The following ACACA variants were observed in gnomAD, a reference collection of about 807,000 sequenced individuals.
The protein encoded by ACACA is acetyl-CoA carboxylase 1.
In ACACA, 103 loss-of-function variants were observed where a neutral mutation model predicts 296.1. The ratio of observed to expected loss-of-function variants is 0.35; its 90% CI spans 0.30 to 0.41. The LOEUF (loss-of-function observed/expected upper bound fraction) is 0.41. ACACA is among the 10% of genes least tolerant of loss of function. The pLI, the probability that ACACA is intolerant of heterozygous loss-of-function variation, is 1.00. For synonymous variants in ACACA, 953 were observed against 1,038.6 expected, an observed-to-expected ratio of 0.92 and a Z score of 1.58; for missense variants, 1,554 against 2,989.7, an observed-to-expected ratio of 0.52 and a Z score of 11.20.
chr17:37,205,754 C>A lies in ACACA; in HGVS notation c.4056+11G>T. On this transcript the variant is annotated intron_variant, in intron 33 of 55. Transcript: ENST00000616317. ...GGGACATCACGAGCTTCCACCCAAT[C>A]AAGAACTTACATTTTGCTGGGTAAA... 6.2e-7 allele frequency: 1 copy of A among 1,606,270 alleles called. No homozygotes were observed.
chr17:37,379,365 C>A (rs545073498), intron 1 of ACACA: 2 of 1,613,910 alleles, frequency 1.2e-6, no homozygotes, highest in Admixed American at 1.7e-5. Flanking sequence ...CAGACTGGAT[C>A]TCTTCTAAAA....
intron 5 of ACACA, among the ~76,000 whole-genome samples, chr17:37,281,590 G>A (rs562636755): frequency 7.2e-5 from 11 of 152,282 alleles, no homozygotes; most frequent in South Asian, 2.1e-4. Flanking sequence ...AAACCGGACC[G>A]GGCGCAGTGG....
chr17:37,355,128 A>T (rs945426120), intron 1 of ACACA, among the ~76,000 whole-genome samples: 1 of 151,810 alleles, frequency 6.6e-6, no homozygotes, highest in Non-Finnish European at 1.5e-5. Context: ...CTGTAATCCC[A>T]CCTACTTGGG....
chr17:37,250,503 T>C (rs940721728), intron 16 of ACACA, among the ~76,000 whole-genome samples: 7 of 151,758 alleles, frequency 4.6e-5, no homozygotes. Flanking sequence ...CTGGGCGTGG[T>C]GGTGCGTGCC....
At chr17:37,216,596 G>A (rs573331290) in intron 29 of ACACA, among the ~76,000 whole-genome samples, 114 of 151,534 alleles carry the variant, frequency 7.5e-4, no homozygotes, top group African/African-American at 2.2e-3. Flanking sequence ...CAGAGTAACC[G>A]CAACATGTCA....
At chr17:37,185,347 C>A (rs972456671) in intron 39 of ACACA, among the ~76,000 whole-genome samples, 2 of 151,422 alleles carry the variant, frequency 1.3e-5, no homozygotes, top group Non-Finnish European at 2.9e-5. Context: ...ATACTTCTGC[C>A]TCAGCCTCCT....
chr17:37,357,127 T>C (rs1401608224), intron 1 of ACACA, among the ~76,000 whole-genome samples: 5 of 152,226 alleles, frequency 3.3e-5, no homozygotes. Context: ...AATGCCACCA[T>C]TTCCCAAGAC....
intron 27 of ACACA, among the ~76,000 whole-genome samples, chr17:37,224,766 C>T (rs1407181878): frequency 6.6e-6 from 1 of 151,760 alleles, no homozygotes; most frequent in Non-Finnish European, 1.5e-5. Context: ...TCTATCAAGG[C>T]AGGCCTATTT....
chr17:37,240,059 C>T (rs1355487154), intron 24 of ACACA, among the ~76,000 whole-genome samples: 5 of 152,162 alleles, frequency 3.3e-5, no homozygotes, highest in Non-Finnish European at 7.3e-5. Flanking sequence ...ATTGGAAAAC[C>T]TGAACTTGCT....
chr17:37,237,820 A>T (rs529936048), intron 24 of ACACA, among the ~76,000 whole-genome samples: 7 of 152,198 alleles, frequency 4.6e-5, no homozygotes, highest in Non-Finnish European at 7.4e-5. Flanking sequence ...GAGTGCAGTG[A>T]TGCAATCACA....
chr17:37,390,334 A>ATCT (rs2050822111), intron 1 of ACACA, among the ~76,000 whole-genome samples: 2 of 93,424 alleles, frequency 2.1e-5, no homozygotes, highest in African/African-American at 4.5e-5. Context: ...ATATATATAT[A>ATCT]AAAGGCCAGC....
At chr17:37,147,134 T>C (rs2075844494) in intron 45 of ACACA, among the ~76,000 whole-genome samples, 1 of 152,036 alleles carries the variant, frequency 6.6e-6, no homozygotes, top group African/African-American at 2.4e-5. Context: ...GACTCAAAAA[T>C]GTGGGGGTCA....
Position 37,268,743 on chromosome 17 carries a change from A to ATATATATATATATATATATATC in ACACA, c.1119+2007_1119+2008insGATATATATATATATATATATA, listed in dbSNP as rs2081926174. On this transcript the variant is annotated intron_variant, in intron 10 of 55. Transcript: ENST00000616317. ...TATCTATCTATCTATCTATCTATCT[A>ATATATATATATATATATATATC]TATATATATATATATATATATATAT... Among the ~76,000 whole-genome samples the ATATATATATATATATATATATC allele has an allele frequency of 4.9e-5, 5 of 102,050 alleles. No individual in the cohort carries two copies. In the East Asian group the frequency reaches 1.2e-3, roughly 24 times the overall value. 66.9% of individuals were successfully genotyped at this position (102,050 alleles called of 152,430 possible).
chr17:37,274,782 C>T, intron 8 of ACACA: 1 of 408,164 alleles, frequency 2.4e-6, no homozygotes, highest in Non-Finnish European at 3.3e-6. Context: ...AAGGGGAACA[C>T]TATAGCCTCT....
chr17:37,237,930 T>G (rs2411160), intron 24 of ACACA, among the ~76,000 whole-genome samples: 52,075 of 151,886 alleles, frequency 0.34, 9,397 homozygotes, highest in East Asian at 0.45. Flanking sequence ...CCTGGCTAAT[T>G]TTTGTATTTT....
intron 45 of ACACA, among the ~76,000 whole-genome samples, chr17:37,142,707 T>A (rs2075642544): frequency 6.6e-6 from 1 of 152,210 alleles, no homozygotes; most frequent in Non-Finnish European, 1.5e-5. Flanking sequence ...CCTTGGGGAC[T>A]CTTGTAGACA....
intron 1 of ACACA, among the ~76,000 whole-genome samples, chr17:37,375,774 T>C (rs2049977522): frequency 2.0e-5 from 3 of 152,236 alleles, no homozygotes; most frequent in Admixed American, 2.0e-4. Context: ...TCTGCAAGTA[T>C]TTGTAAAGCA....
At chr17:37,320,668 C>G (rs751026890) in intron 3 of ACACA, among the ~76,000 whole-genome samples, 1 of 151,772 alleles carries the variant, frequency 6.6e-6, no homozygotes, top group Non-Finnish European at 1.5e-5. Context: ...GGCAATAGGC[C>G]AGGCACGGTG....
At chr17:37,136,713 C>A (rs2075348429) in intron 45 of ACACA, among the ~76,000 whole-genome samples, 1 of 152,066 alleles carries the variant, frequency 6.6e-6, no homozygotes, top group African/African-American at 2.4e-5. Context: ...GAGGCCTAGG[C>A]AGGCAGATCA....
Sources: gnomAD v4.1 joint callset for allele counts (sites outside exome capture counted in the v4.1 genomes callset) on GRCh38, gnomAD v4.1.1 for gene constraint, MANE v1.5 for transcripts, NCBI Gene and HGNC (gene_info 2026-07-23, HGNC 2026-07-21) for gene names.